KIFAP3: variants seen among roughly 807,000 people sequenced by gnomAD.
KIFAP3 encodes kinesin associated protein 3, also known as kinesin-associated protein 3.
In KIFAP3, 68 loss-of-function variants were observed where a neutral mutation model predicts 106.5. The ratio of observed to expected loss-of-function variants is 0.64; its 90% CI spans 0.53 to 0.78. The LOEUF is 0.78. Among genes scored for constraint, KIFAP3 ranks in the 30% least tolerant of loss-of-function variants. The pLI, the probability that KIFAP3 is intolerant of heterozygous loss-of-function variation, is 0.00. For missense variants in KIFAP3, 780 were observed against 941.8 expected (o/e 0.83, Z 2.25); for synonymous variants, 320 against 311.5 (o/e 1.03, Z -0.29).
chr1:170,014,997 C>T (rs530987646), intron 10 of KIFAP3, among the ~76,000 whole-genome samples: 2 of 152,210 alleles, frequency 1.3e-5, no homozygotes, highest in South Asian at 4.2e-4. Flanking sequence ...TAGATGTAAA[C>T]AGTCACAGTT....
chr1:169,958,948 A>G (rs1202627708), intron 18 of KIFAP3, among the ~76,000 whole-genome samples: 1 of 152,208 alleles, frequency 6.6e-6, no homozygotes, highest in Non-Finnish European at 1.5e-5. Context: ...TGGGAGAATC[A>G]TATACATTTG....
intron 11 of KIFAP3, among the ~76,000 whole-genome samples, chr1:169,987,632 G>T (rs116558344): frequency 6.6e-6 from 1 of 152,040 alleles, no homozygotes. Context: ...CAGAAAGGAC[G>T]TTTACCAGCA....
intron 18 of KIFAP3, among the ~76,000 whole-genome samples, chr1:169,955,178 C>G (rs531429478): frequency 6.6e-6 from 1 of 152,182 alleles, no homozygotes; most frequent in South Asian, 2.1e-4. Flanking sequence ...TCATACCTAC[C>G]ACATTGTTTA....
intron 16 of KIFAP3, 99 bp downstream of exon 16, chr1:169,977,986 T>G (rs979641365): frequency 1.3e-5 from 10 of 755,334 alleles, no homozygotes; most frequent in Non-Finnish European, 2.2e-5. Flanking sequence ...TAGTGTTTTC[T>G]ACGTTATTTC....
rs757171824 is a variant in KIFAP3, at chr1:170,016,478, C to T, written c.1167G>A (p.Lys389=). Residue 389 remains lysine, a synonymous_variant, in exon 10 of 20, where the codon AAG becomes AAA. Transcript: ENST00000361580. ...NKMVQVGLLP[K]LTALLGNDNY... ...AAAGCATACCTAGGAGTGCAGTGAGCTTGGGAAGCAGTCCAACTTGTACCA... is the reference window on the plus strand; with the variant it reads ...AAAGCATACCTAGGAGTGCAGTGAGTTTGGGAAGCAGTCCAACTTGTACCA... The T allele has an allele frequency of 1.2e-5, 20 of 1,604,202 alleles. No individual in the cohort carries two copies. Among genetic ancestry groups the T allele is most frequent in the Non-Finnish European group, 1.5e-5 (18 of 1,176,250 alleles).
rs757304868 is a variant in KIFAP3 at position 170,038,412 on chromosome 1, A to ATGT, written c.392_394dup (p.Asn131dup). ...CTCAATATATTCATCCATGTCATTA[A>ATGT]TGTTAGCAACTTCATCAATCTGAAA... On this transcript the variant is annotated inframe_insertion, in exon 5 of 20. Coordinates refer to ENST00000361580, the MANE Select transcript of KIFAP3 (RefSeq NM_014970.4). 9 of 1,607,612 alleles carry ATGT rather than the reference A, an allele frequency of 5.6e-6. No individual in the cohort carries two copies. The South Asian group carries it at 1.0e-4, about 18-fold the overall frequency.
intron 17 of KIFAP3, among the ~76,000 whole-genome samples, chr1:169,961,830 A>G (rs1375956868): frequency 6.6e-6 from 1 of 152,210 alleles, no homozygotes; most frequent in Non-Finnish European, 1.5e-5. Flanking sequence ...AATACAGTAT[A>G]TAATACATAT....
chr1:170,046,956 T>C (rs1670290857), intron 2 of KIFAP3, 90 bp from the exon 3 acceptor site: 1 of 712,180 alleles, frequency 1.4e-6, no homozygotes, highest in African/African-American at 1.8e-5. Context: ...GATTATAAAT[T>C]ATTATAGAGA....
intron 9 of KIFAP3, among the ~76,000 whole-genome samples, chr1:170,018,858 A>G (rs200816502): frequency 6.6e-6 from 1 of 152,164 alleles, no homozygotes; most frequent in South Asian, 2.1e-4. Flanking sequence ...TCTACACTCC[A>G]CAGCCACACT....
At chr1:169,997,875 A>G (rs1394761277) in intron 10 of KIFAP3, among the ~76,000 whole-genome samples, 1 of 29,444 alleles carries the variant, frequency 3.4e-5, no homozygotes, top group Admixed American at 4.6e-4. Context: ...TCAAAAAAAA[A>G]AAAAAAAGAA....
At chr1:169,936,304 A>G (rs549350169) in intron 19 of KIFAP3, among the ~76,000 whole-genome samples, 58 of 151,918 alleles carry the variant, frequency 3.8e-4, no homozygotes, top group South Asian at 1.5e-3. Flanking sequence ...ATCAACATTT[A>G]TATAAAGCTC....
chr1:169,943,037 T>C (rs1366801042), intron 19 of KIFAP3, among the ~76,000 whole-genome samples: 2 of 151,912 alleles, frequency 1.3e-5, no homozygotes, highest in Non-Finnish European at 2.9e-5. Flanking sequence ...TCTCATTTAA[T>C]ACAGCTTAAT....
rs371575708 is a variant in KIFAP3, at chr1:170,059,750, C to T, written c.33-4314G>A. Among the ~76,000 whole-genome samples the T allele has an allele frequency of 6.6e-5, 10 of 152,186 alleles. No homozygotes were observed. The East Asian group carries it at 1.2e-3, about 18-fold the overall frequency. The stretch of plus-strand genomic sequence containing the variant: ...TTAAACCAATATCCCTGATGAACAT[C>T]GATGCAAAAATCCTCAATAAAATAC... On this transcript the variant is annotated intron_variant, in intron 1 of 19. Coordinates refer to ENST00000361580, the MANE Select transcript of KIFAP3 (RefSeq NM_014970.4).
At chr1:170,016,693 T>A in intron 9 of KIFAP3, 69 bp from the exon 10 acceptor site, 5 of 919,472 alleles carry the variant, frequency 5.4e-6, no homozygotes, top group Non-Finnish European at 7.9e-6. Flanking sequence ...ATATAATTAT[T>A]TTTTCTTTGT....
At chr1:169,927,484 A>G (rs1663206877) in intron 19 of KIFAP3, among the ~76,000 whole-genome samples, 1 of 152,186 alleles carries the variant, frequency 6.6e-6, no homozygotes, top group Non-Finnish European at 1.5e-5. Context: ...CATACAAAAT[A>G]CTTTGATTTT....
intron 1 of KIFAP3, among the ~76,000 whole-genome samples, chr1:170,060,797 TG>T (rs1671107611): frequency 6.6e-6 from 1 of 152,222 alleles, no homozygotes. Context: ...AGCATGTTAC[TG>T]GTACCAAAAC....
intron 10 of KIFAP3, among the ~76,000 whole-genome samples, chr1:170,003,646 C>T (rs1430240122): frequency 1.3e-5 from 2 of 152,236 alleles, no homozygotes; most frequent in Non-Finnish European, 1.5e-5. Context: ...CCTACAGAGG[C>T]AGGCAGGCAG....
At chr1:170,022,036 ACCT>A (rs1557843771) in intron 9 of KIFAP3, among the ~76,000 whole-genome samples, 1 of 127,920 alleles carries the variant, frequency 7.8e-6, no homozygotes. Context: ...TGCAACTTCC[ACCT>A]CCTGGGTTCA....
At chr1:169,944,491 CCTT>C (rs1269170645) in intron 19 of KIFAP3, among the ~76,000 whole-genome samples, 2 of 152,116 alleles carry the variant, frequency 1.3e-5, no homozygotes, top group Non-Finnish European at 2.9e-5. Flanking sequence ...GCTCTTCCCT[CCTT>C]CTCGTTTCCC....
Sources: gnomAD v4.1 joint callset for allele counts (sites outside exome capture counted in the v4.1 genomes callset) on GRCh38, gnomAD v4.1.1 for gene constraint, MANE v1.5 for transcripts, NCBI Gene and HGNC (gene_info 2026-07-23, HGNC 2026-07-21) for gene names.